Variants in AGO4 observed in about 807,000 individuals in gnomAD.
AGO4 encodes the protein argonaute RISC component 4.
AGO4 carries 33 observed loss-of-function variants against 104.7 expected under a neutral mutation model. The ratio of observed to expected loss-of-function variants is 0.32; its 90% CI spans 0.24 to 0.42. AGO4 has a LOEUF of 0.42. AGO4 is among the 10% of genes least tolerant of loss of function. The pLI is 1.00. For missense variants in AGO4, 711 were observed against 1,083.4 expected, an observed-to-expected ratio of 0.66 and a Z score of 4.83; for synonymous variants, 331 against 364.7, an observed-to-expected ratio of 0.91 and a Z score of 1.05.
At position 35,841,435 on chromosome 1, in the gene AGO4, G is replaced by A. The variant is rs1202188624; in HGVS notation, c.1995G>A (p.Arg665=). 1 of 1,614,182 alleles carries A rather than the reference G, an allele frequency of 6.2e-7. No individual in the cohort carries two copies. The highest frequency in any genetic ancestry group is 2.2e-5 in the East Asian group (1 of 44,882). The change falls in exon 14 of 18, where the codon CGG becomes CGA. Residue 665 remains arginine, a synonymous_variant. Coordinates refer to ENST00000373210, the MANE Select transcript of AGO4 (RefSeq NM_017629.4). The surrounding 1 kb of genome is among the most constrained non-coding windows in gnomAD (Gnocchi z 4.7). ...FYKSTRFKPT[R]IIYYRGGVSE... ...AATCCACACGCTTCAAACCCACTCG[G>A]ATCATCTATTACCGTGGAGGGGTAT...
intron 12 of AGO4, 133 bp downstream of exon 12, chr1:35,834,307 C>T (rs1156367384): frequency 1.0e-5 from 8 of 783,994 alleles, no homozygotes; most frequent in East Asian, 6.5e-5. Context: ...TTGTTTCTTG[C>T]TCCTGTTATG....
At chr1:35,833,795 CA>C (rs1644241771) in intron 11 of AGO4, among the ~76,000 whole-genome samples, 194 bp from the exon 12 acceptor site, 1 of 152,130 alleles carries the variant, frequency 6.6e-6, no homozygotes, top group African/African-American at 2.4e-5. Context: ...TGTTTAACTG[CA>C]AGTTAAATTG....
chr1:35,831,640 T>G lies in AGO4; in HGVS notation c.996+66T>G, dbSNP rs900231288. ...ATGAGTATATATTTTTAAGTAGAGT[T>G]CTAAACTAGTGGTGAAATTTAGTGT... On this transcript the variant is annotated intron_variant, in intron 8 of 17. Coordinates refer to ENST00000373210, the MANE Select transcript of AGO4 (RefSeq NM_017629.4). The G allele has an allele frequency of 3.8e-6, 6 of 1,561,006 alleles. No individual in the cohort carries two copies. The African/African-American group carries it at 8.3e-5, about 21-fold the overall frequency.
intron 1 of AGO4, among the ~76,000 whole-genome samples, chr1:35,811,879 T>G (rs1486296041): frequency 6.6e-6 from 1 of 152,140 alleles, no homozygotes; most frequent in African/African-American, 2.4e-5. Context: ...ATTACAGACA[T>G]GAGCCACTGC....
At chr1:35,821,791 G>A (rs1643891333) in intron 2 of AGO4, among the ~76,000 whole-genome samples, 1 of 152,106 alleles carries the variant, frequency 6.6e-6, no homozygotes, top group Non-Finnish European at 1.5e-5. Context: ...ATTAGGCAAA[G>A]GGGTTGACTT....
At chr1:35,829,797 C>T (rs1379724586) in intron 7 of AGO4, among the ~76,000 whole-genome samples, 2 of 134,152 alleles carry the variant, frequency 1.5e-5, no homozygotes, top group South Asian at 2.5e-4. Context: ...TGCAGTGAGC[C>T]GAGATTGCAC....
chr1:35,819,303 A>G (rs1643830324), intron 2 of AGO4, among the ~76,000 whole-genome samples: 1 of 152,078 alleles, frequency 6.6e-6, no homozygotes, highest in Non-Finnish European at 1.5e-5. Context: ...ACTATTAGAC[A>G]TGCTAGTGGA....
At position 35,841,091 on chromosome 1, in the gene AGO4, G is replaced by T; in HGVS notation, c.1725-74G>T. On this transcript the variant is annotated intron_variant, in intron 13 of 17. Coordinates refer to ENST00000373210, the MANE Select transcript of AGO4 (RefSeq NM_017629.4). The surrounding 1 kb of genome is among the most constrained non-coding windows in gnomAD (Gnocchi z 4.7). ...ATAAGGTTATATCTGATTATATCTGGTGATATAATCTTGCTAAACTCAAAC... is the reference window on the plus strand; with the variant it reads ...ATAAGGTTATATCTGATTATATCTGTTGATATAATCTTGCTAAACTCAAAC... 3 of 1,422,946 alleles carry T rather than the reference G, an allele frequency of 2.1e-6. No individual in the cohort carries two copies. Among genetic ancestry groups the T allele is most frequent in the Non-Finnish European group, 1.9e-6 (2 of 1,025,898 alleles). The allele number at this position is 1,422,946 out of a possible 1,614,324, so 88.1% of individuals were successfully genotyped here. A position where few individuals can be genotyped will look rare whatever the true frequency, so the allele number is the denominator to read the frequency against.
intron 16 of AGO4, 54 bp from the exon 17 acceptor site, chr1:35,850,796 AAAAC>A (rs1644682332): frequency 3.5e-5 from 37 of 1,069,658 alleles, no homozygotes; most frequent in South Asian, 8.2e-5. Context: ...AAAAAAAAAA[AAAAC>A]AAAAACAAAA....
intron 1 of AGO4, among the ~76,000 whole-genome samples, chr1:35,812,464 C>T (rs920615122): frequency 5.9e-5 from 9 of 152,144 alleles, no homozygotes; most frequent in Non-Finnish European, 1.2e-4. Context: ...AGAAAAAGTG[C>T]TAGGCTAGGA....
At chr1:35,832,287 T>C (rs1644204151) in intron 10 of AGO4, 102 bp downstream of exon 10, 8 of 1,539,378 alleles carry the variant, frequency 5.2e-6, no homozygotes, top group African/African-American at 1.4e-5. Context: ...ACCCATAGTT[T>C]TGTTCATTAT....
chr1:35,841,832 A>ATATATATATATATATATT lies in AGO4; in HGVS notation c.2175+88_2175+89insTATATATATATTTATATA. 1.2e-6 allele frequency: 1 copy of ATATATATATATATATATT among 839,320 alleles called. No individual in the cohort carries two copies. The highest frequency in any genetic ancestry group is 1.6e-6 in the Non-Finnish European group (1 of 632,536). The allele number at this position is 839,320 out of a possible 1,614,324, so 52.0% of individuals were successfully genotyped here. A position where few individuals can be genotyped will look rare whatever the true frequency, so the allele number is the denominator to read the frequency against. Reference sequence around the variant, plus strand: ...TGCACATATATATATATATATATATATATATACACCATTTTTATACAATTT... The same window carrying ATATATATATATATATATT: ...TGCACATATATATATATATATATATATATATATATATATATATTTATATACACCATTTTTATACAATTT... On this transcript the variant is annotated intron_variant, in intron 15 of 17. Coordinates refer to ENST00000373210, the MANE Select transcript of AGO4 (RefSeq NM_017629.4). This position sits in a 1 kb window ranked among gnomAD's most constrained non-coding sequence, Gnocchi z 4.7.
chr1:35,834,005 G>T lies in AGO4; in HGVS notation c.1395G>T (p.Gln465His). 1.3e-6 allele frequency: 2 copies of T among 1,571,600 alleles called. No homozygotes were observed. The highest frequency in any genetic ancestry group is 8.6e-7 in the Non-Finnish European group (1 of 1,158,122). The change falls in exon 12 of 18, where the codon CAG becomes CAT. Residue 465 changes from glutamine (Q) to histidine (H), a missense_variant. This residue lies in a region of AGO4 where 401 missense variants were observed against 665.5 expected (regional missense o/e 0.60). Coordinates refer to ENST00000373210, the MANE Select transcript of AGO4 (RefSeq NM_017629.4). ...REDLLKSFTD[Q>H]LRKISKDAGM... ...ATTTTAACAGGAGTTTCACTGACCA[G>T]CTGCGTAAAATCTCTAAGGATGCAG...
chr1:35,817,092 A>T (rs757189977), intron 2 of AGO4, 45 bp downstream of exon 2: 1 of 1,514,146 alleles, frequency 6.6e-7, no homozygotes, highest in South Asian at 1.2e-5. Flanking sequence ...AAGTGCATAT[A>T]ATTTATTTAT....
chr1:35,827,061 G>A (rs539176076), intron 7 of AGO4, among the ~76,000 whole-genome samples: 47 of 151,766 alleles, frequency 3.1e-4, no homozygotes, highest in South Asian at 2.1e-4. Flanking sequence ...AACTAGCTGG[G>A]CGTGGTGGCG....
chr1:35,847,163 G>A (rs1008711426), intron 15 of AGO4, among the ~76,000 whole-genome samples: 2 of 151,326 alleles, frequency 1.3e-5, no homozygotes, highest in Non-Finnish European at 2.9e-5. Flanking sequence ...ACTAACCATA[G>A]CTGATGGGCT....
At chr1:35,826,118 T>C (rs1236326710) in intron 6 of AGO4, 58 bp downstream of exon 6, 1 of 1,596,274 alleles carries the variant, frequency 6.3e-7, no homozygotes. Flanking sequence ...GCACGTTGCC[T>C]GTGCTCTGGA....
intron 2 of AGO4, 59 bp from the exon 3 acceptor site, chr1:35,822,803 C>T (rs1226846776): frequency 1.3e-6 from 2 of 1,597,462 alleles, no homozygotes; most frequent in Admixed American, 3.4e-5. Flanking sequence ...TATGATGATG[C>T]TTTTCTTACT....
intron 13 of AGO4, among the ~76,000 whole-genome samples, chr1:35,838,141 C>T (rs149236145): frequency 5.1e-4 from 77 of 152,230 alleles, no homozygotes; most frequent in African/African-American, 1.8e-3. Flanking sequence ...CAACCTCCGC[C>T]TCCTGAGTTC....
Sources: allele counts gnomAD v4.1 joint callset (sites outside exome capture counted in the v4.1 genomes callset), GRCh38; gene constraint gnomAD v4.1.1; regional missense constraint gnomAD v4.1.1; non-coding constraint Gnocchi (gnomAD v3.1); transcripts MANE v1.5; gene names NCBI Gene and HGNC (gene_info 2026-07-23, HGNC 2026-07-21).